OTOL1: variants seen among roughly 807,000 people sequenced by gnomAD.
The protein encoded by OTOL1 is otolin-1.
In OTOL1, 31 loss-of-function variants were observed where a neutral mutation model predicts 25.0. The ratio of observed to expected loss-of-function variants is 1.24; its 90% CI spans 0.93 to 1.67. The LOEUF (loss-of-function observed/expected upper bound fraction) is 1.67. Ranked by LOEUF, OTOL1 falls within the 40% of genes most tolerant of loss-of-function variation. The probability of loss-of-function intolerance (pLI) is 0.00; values close to 1 mark genes in which losing one functional copy is unlikely to be tolerated. For missense variants in OTOL1, 654 were observed against 587.7 expected, an observed-to-expected ratio of 1.11 and a Z score of -1.17; for synonymous variants, 225 against 210.3, an observed-to-expected ratio of 1.07 and a Z score of -0.61.
rs1174025067 is a variant in OTOL1, at chr3:161,496,926, T to C, written c.119T>C (p.Met40Thr). The C allele has an allele frequency of 4.3e-6, 7 of 1,613,342 alleles. No homozygotes were observed. Among genetic ancestry groups the C allele is most frequent in the African/African-American group, 2.7e-5 (2 of 74,900 alleles). ...KFTKKSEERE[M>T]PKGLKPSSGP... ...ACGAAGAAATCTGAGGAAAGAGAGA[T>C]GCCAAAGGGTCTAAAGCCATCCAGT... The change falls in exon 1 of 4, where the codon ATG becomes ACG. Residue 40 changes from methionine to threonine, a missense_variant. Transcript: ENST00000327928.
At position 161,496,977 on chromosome 3, in the gene OTOL1, C is replaced by A. The variant is rs751999622; in HGVS notation, c.170C>A (p.Thr57Asn). The stretch of plus-strand genomic sequence containing the variant: ...GGCCCACCTCCAGAAGAAGAAGAAA[C>A]CCTCTTCACAGAAATGGCTGAAATG... ...SSGPPPEEEE[T>N]LFTEMAEMAE... is the part of the protein sequence containing the mutation. The change falls in exon 1 of 4, where the codon ACC (threonine) becomes AAC (asparagine). Residue 57 changes from threonine to asparagine, a missense_variant. Coordinates refer to ENST00000327928, the MANE Select transcript of OTOL1 (RefSeq NM_001080440.1). 3.7e-6 allele frequency: 6 copies of A among 1,613,366 alleles called. No individual in the cohort carries two copies. The highest frequency in any genetic ancestry group is 4.5e-5 in the East Asian group (2 of 44,874).
In OTOL1 at chr3:161,499,151, A is replaced by T. The variant is rs925759745; in HGVS notation, c.365-20A>T. 2.5e-6 allele frequency: 4 copies of T among 1,571,310 alleles called. No homozygotes were observed. Among genetic ancestry groups the T allele is most frequent in the Non-Finnish European group, 3.5e-6 (4 of 1,150,616 alleles). ...AAAGAGAAATTTTATATTCTGATGT[A>T]TTTAAAATCCCATTTCTAGGTCCTA... On this transcript the variant is annotated intron_variant, in intron 1 of 3. Coordinates refer to ENST00000327928, the MANE Select transcript of OTOL1 (RefSeq NM_001080440.1).
Position 161,503,427 on chromosome 3 carries a change from A to G in OTOL1, c.919A>G (p.Thr307Ala), listed in dbSNP as rs374033969. The G allele has an allele frequency of 6.2e-7, 1 of 1,613,646 alleles. No homozygotes were observed. The change falls in exon 4 of 4, where the codon ACT (threonine) becomes GCT (alanine). Residue 307 changes from threonine (T) to alanine (A), a missense_variant. By Grantham distance (58) the Thr-to-Ala change is moderately conservative (BLOSUM62 0). Transcript: ENST00000327928. ...ELGPPGLLGPTGPKGDIGNKG... is the reference protein window; with the variant it reads ...ELGPPGLLGPAGPKGDIGNKG... ...AGGTCCTCCTGGTCTCCTGGGACCT[A>G]CTGGGCCGAAGGGTGACATTGGCAA...
intron 2 of OTOL1, 68 bp from the exon 3 acceptor site, chr3:161,502,239 G>T: frequency 1.5e-6 from 2 of 1,360,680 alleles, no homozygotes; most frequent in South Asian, 2.5e-5. Flanking sequence ...TGACATGGTT[G>T]TGAGAGGAAT....
At chr3:161,499,393 A>C (rs766709413) in intron 2 of OTOL1, 133 bp downstream of exon 2, 12 of 680,090 alleles carry the variant, frequency 1.8e-5, no homozygotes, top group Non-Finnish European at 2.7e-5. Context: ...AAAGCACATT[A>C]TATTTGATAT....
At position 161,499,271 on chromosome 3, in the gene OTOL1, C is replaced by T. The variant is rs369527453; in HGVS notation, c.454+11C>T. ...ACAAAGGAGAGAAAGGTAGGTAATTCATTCATGTCAAAACTCAAGGGACAT... is the reference window on the plus strand; with the variant it reads ...ACAAAGGAGAGAAAGGTAGGTAATTTATTCATGTCAAAACTCAAGGGACAT... On this transcript the variant is annotated intron_variant, in intron 2 of 3. Transcript: ENST00000327928. The T allele has an allele frequency of 6.4e-7, 1 of 1,574,516 alleles. No individual in the cohort carries two copies. Among genetic ancestry groups the T allele is most frequent in the South Asian group, 1.2e-5 (1 of 84,386 alleles).
Position 161,497,145 on chromosome 3 carries a change from G to A in OTOL1, c.338G>A (p.Gly113Glu). The change falls in exon 1 of 4, where the codon GGA (glycine) becomes GAA (glutamate). Residue 113 changes from glycine (G) to glutamate (E), a missense_variant. Coordinates refer to ENST00000327928, the MANE Select transcript of OTOL1 (RefSeq NM_001080440.1). ...DCCSPVPGQKGEPGETGQPGP... is the reference protein window; with the variant it reads ...DCCSPVPGQKEEPGETGQPGP... ...TGTTCACCTGTACCCGGGCAGAAAG[G>A]AGAACCTGGAGAGACTGGACAGCCA... 6.2e-7 allele frequency: 1 copy of A among 1,612,540 alleles called. No homozygotes were observed. The highest frequency in any genetic ancestry group is 1.1e-5 in the South Asian group (1 of 90,898).
rs761346414 is a variant in OTOL1 at position 161,502,359 on chromosome 3, G to A, written c.507G>A (p.Pro169=). The change falls in exon 3 of 4, where the codon CCG becomes CCA. Residue 169 remains proline, a synonymous_variant. Coordinates refer to ENST00000327928, the MANE Select transcript of OTOL1 (RefSeq NM_001080440.1). ...DQGVPGYPGK[P]GAQGEPGPKG... ...GAGTTCCAGGATACCCAGGAAAACCGGGAGCACAAGGTAGAGCATGAAATG... is the reference window on the plus strand; with the variant it reads ...GAGTTCCAGGATACCCAGGAAAACCAGGAGCACAAGGTAGAGCATGAAATG... The A allele has an allele frequency of 4.8e-5, 77 of 1,612,868 alleles. No homozygotes were observed. The highest frequency in any genetic ancestry group is 6.2e-5 in the Non-Finnish European group (73 of 1,179,402).
At chr3:161,502,544 A>G (rs1353158571) in intron 3 of OTOL1, among the ~76,000 whole-genome samples, 175 bp downstream of exon 3, 1 of 152,224 alleles carries the variant, frequency 6.6e-6, no homozygotes, top group African/African-American at 2.4e-5. Flanking sequence ...AGGAATTTGG[A>G]GACCAGGTAA....
At chr3:161,498,339 T>C (rs1189405518) in intron 1 of OTOL1, among the ~76,000 whole-genome samples, 1 of 152,140 alleles carries the variant, frequency 6.6e-6, no homozygotes, top group African/African-American at 2.4e-5. Flanking sequence ...GTTCATTCTC[T>C]CCTCTAAATA....
chr3:161,499,127 A>G, intron 1 of OTOL1, 44 bp from the exon 2 acceptor site: 2 of 1,470,218 alleles, frequency 1.4e-6, no homozygotes, highest in Non-Finnish European at 1.9e-6. Flanking sequence ...TGAACTTTAA[A>G]AGAGAAATTT....
chr3:161,499,613 C>T (rs956519806), intron 2 of OTOL1, among the ~76,000 whole-genome samples: 2 of 152,046 alleles, frequency 1.3e-5, no homozygotes, highest in African/African-American at 4.8e-5. Context: ...TAGCCTACTT[C>T]CTTTGGATGC....
At chr3:161,497,429 A>G (rs1376409121) in intron 1 of OTOL1, among the ~76,000 whole-genome samples, 1 of 152,162 alleles carries the variant, frequency 6.6e-6, no homozygotes, top group Non-Finnish European at 1.5e-5. Flanking sequence ...CTCAACAGCC[A>G]CTGTATTGGG....
At chr3:161,498,222 G>A (rs750741652) in intron 1 of OTOL1, among the ~76,000 whole-genome samples, 1 of 152,134 alleles carries the variant, frequency 6.6e-6, no homozygotes, top group Non-Finnish European at 1.5e-5. Context: ...CAAGGGCATG[G>A]TCAAGTAGAC....
intron 1 of OTOL1, 78 bp from the exon 2 acceptor site, chr3:161,499,093 T>G: frequency 8.8e-7 from 1 of 1,132,998 alleles, no homozygotes. Context: ...TGCAGTAAAA[T>G]GCTTTTTTTC....
Position 161,503,845 on chromosome 3 carries a change from C to T in OTOL1, c.1337C>T (p.Ser446Leu). The T allele has an allele frequency of 1.2e-6, 2 of 1,613,858 alleles. No homozygotes were observed. Among genetic ancestry groups the T allele is most frequent in the African/African-American group, 1.3e-5 (1 of 74,986 alleles). Reference sequence around the variant, plus strand: ...GGAGACCAAGTCTGGCTTGAGGTGTCAAAAGATTGGAATGGGGTGTATGTC... The same window carrying T: ...GGAGACCAAGTCTGGCTTGAGGTGTTAAAAGATTGGAATGGGGTGTATGTC... ...SAGDQVWLEV[S>L]KDWNGVYVSA... Residue 446 changes from serine (S) to leucine (L), a missense_variant, in exon 4 of 4, where the codon TCA (serine) becomes TTA (leucine). By Grantham distance (145) the Ser-to-Leu change is moderately radical. Transcript: ENST00000327928.
rs181900279 is a variant in OTOL1 at position 161,497,130 on chromosome 3, T to C, written c.323T>C (p.Val108Ala). The change falls in exon 1 of 4, where the codon GTA (valine) becomes GCA (alanine). Residue 108 changes from valine to alanine, a missense_variant. Transcript: ENST00000327928. ...AATTGTTGTGATTGTTGTTCACCTGTACCCGGGCAGAAAGGAGAACCTGGA... is the reference window on the plus strand; with the variant it reads ...AATTGTTGTGATTGTTGTTCACCTGCACCCGGGCAGAAAGGAGAACCTGGA... ...FLNCCDCCSPVPGQKGEPGET... is the reference protein window; with the variant it reads ...FLNCCDCCSPAPGQKGEPGET... The C allele has an allele frequency of 1.1e-5, 17 of 1,613,446 alleles. No homozygotes were observed. In the Admixed American group the frequency reaches 1.8e-4, roughly 17 times the overall value.
chr3:161,499,577 GA>G (rs1366488065), intron 2 of OTOL1, among the ~76,000 whole-genome samples: 1 of 152,108 alleles, frequency 6.6e-6, no homozygotes, highest in Non-Finnish European at 1.5e-5. Flanking sequence ...AGGGTATAGA[GA>G]TACCCTTCCT....
chr3:161,503,294 AG>A lies in OTOL1; in HGVS notation c.790del (p.Glu264LysfsTer35), dbSNP rs907118249. The A allele has an allele frequency of 2.7e-6, 4 of 1,506,482 alleles. No individual in the cohort carries two copies. Among genetic ancestry groups the A allele is most frequent in the African/African-American group, 1.4e-5 (1 of 71,062 alleles). The allele number at this position is 1,506,482 out of a possible 1,614,324, so 93.3% of individuals were successfully genotyped here. On this transcript the variant is annotated frameshift_variant, in exon 4 of 4. Coordinates refer to ENST00000327928, the MANE Select transcript of OTOL1 (RefSeq NM_001080440.1). LOFTEE classifies it low-confidence loss of function (END_TRUNC). ...GACAGAAAGGTGAGGGGGGTATGAA[AG>A]GGGAAAAAGGTAGCAAAGGAGACAG... Reference protein sequence around the residue: ...KGQKGEGGMKGEKGSKGDSGM... With the variant: ...KGQKGEGGMKXEKGSKGDSGM...
Sources: allele counts gnomAD v4.1 joint callset (sites outside exome capture counted in the v4.1 genomes callset), GRCh38; gene constraint gnomAD v4.1.1; transcripts MANE v1.5; gene names NCBI Gene and HGNC (gene_info 2026-07-23, HGNC 2026-07-21).